The following KLF12 variants were observed in gnomAD, a reference collection of about 807,000 sequenced individuals.
The protein encoded by KLF12 is KLF transcription factor 12, also known as Krueppel-like factor 12.
KLF12 carries 9 observed loss-of-function variants against 37.8 expected under a neutral mutation model. The observed-to-expected ratio is 0.24, with a 90% CI of 0.14 to 0.42. The LOEUF is 0.42. Ranked by LOEUF, KLF12 falls within the 10% of genes least tolerant of loss-of-function variation. KLF12 has a pLI of 1.00. For synonymous variants in KLF12, 208 were observed against 202.1 expected, an observed-to-expected ratio of 1.03 and a Z score of -0.25; for missense variants, 411 against 516.0, an observed-to-expected ratio of 0.80 and a Z score of 1.97.
At chr13:73,928,753 CAACGTTA>C (rs1889526658) in intron 3 of KLF12, among the ~76,000 whole-genome samples, 1 of 152,156 alleles carries the variant, frequency 6.6e-6, no homozygotes, top group African/African-American at 2.4e-5. Flanking sequence ...ACAAAAAAAG[CAACGTTA>C]AACGTAGCTG....
intron 2 of KLF12, among the ~76,000 whole-genome samples, chr13:73,980,963 C>T (rs1891674522): frequency 6.6e-6 from 1 of 152,090 alleles, no homozygotes. Context: ...AGTTCGAAAC[C>T]AGCCTGGGCA....
the KLF12 span, among the ~76,000 whole-genome samples, chr13:74,213,269 G>A: frequency 7.9e-5 from 12 of 151,688 alleles, no homozygotes; most frequent in East Asian, 1.9e-3. Context: ...TTTTCTAGTC[G>A]GTGGTATTGG....
the KLF12 span, among the ~76,000 whole-genome samples, chr13:74,207,022 G>A: frequency 1.3e-5 from 2 of 152,166 alleles, no homozygotes; most frequent in African/African-American, 4.8e-5. Context: ...CAGTTCTAGA[G>A]GCCATGAAGT....
chr13:74,178,611 G>T, the KLF12 span, among the ~76,000 whole-genome samples: 1 of 152,248 alleles, frequency 6.6e-6, no homozygotes, highest in African/African-American at 2.4e-5. Context: ...TTAAATTTCA[G>T]GAAATTGAAT....
chr13:73,764,475 A>AT (rs558580199), intron 6 of KLF12, among the ~76,000 whole-genome samples: 5,216 of 111,634 alleles, frequency 0.047, 169 homozygotes, highest in South Asian at 0.096. Flanking sequence ...TACTCCCCAA[A>AT]TTAAAAAAAA....
chr13:74,210,942 TG>T, the KLF12 span, among the ~76,000 whole-genome samples: 7,757 of 152,258 alleles, frequency 0.051, 609 homozygotes, highest in African/African-American at 0.17. Context: ...AAGTTGGCCT[TG>T]TAACACTGCC....
At chr13:73,795,473 G>C (rs1881909296) in intron 5 of KLF12, among the ~76,000 whole-genome samples, 1 of 152,182 alleles carries the variant, frequency 6.6e-6, no homozygotes, top group Non-Finnish European at 1.5e-5. Flanking sequence ...TGAGAATGAA[G>C]TATGAGAATT....
chr13:73,933,299 T>A (rs943810359), intron 3 of KLF12, among the ~76,000 whole-genome samples: 1 of 152,212 alleles, frequency 6.6e-6, no homozygotes, highest in Admixed American at 6.5e-5. Flanking sequence ...ACGTATCTTT[T>A]TCTATCCTTT....
chr13:74,277,608 G>T, the KLF12 span, among the ~76,000 whole-genome samples: 1 of 152,094 alleles, frequency 6.6e-6, no homozygotes, highest in African/African-American at 2.4e-5. Context: ...GCTCAGGGGC[G>T]GTAATCATAA....
intron 1 of KLF12, among the ~76,000 whole-genome samples, chr13:74,099,216 G>T (rs1876160913): frequency 6.6e-6 from 1 of 151,990 alleles, no homozygotes; most frequent in Non-Finnish European, 1.5e-5. Context: ...GCATGGTAGT[G>T]CACTCCTGTG....
chr13:74,248,635 C>T, the KLF12 span, among the ~76,000 whole-genome samples: 2 of 152,106 alleles, frequency 1.3e-5, no homozygotes, highest in Non-Finnish European at 2.9e-5. Flanking sequence ...ACATGTGGTA[C>T]AACAATCATA....
intron 7 of KLF12, among the ~76,000 whole-genome samples, chr13:73,710,589 C>G (rs988316345): frequency 3.9e-5 from 6 of 152,032 alleles, no homozygotes; most frequent in African/African-American, 1.2e-4. Context: ...GATCAGTGAC[C>G]TTTGATGTTT....
At chr13:74,048,486 G>C (rs1442285657) in intron 1 of KLF12, among the ~76,000 whole-genome samples, 1 of 151,922 alleles carries the variant, frequency 6.6e-6, no homozygotes, top group African/African-American at 2.4e-5. Context: ...TATGTTTTGG[G>C]AATCCCATAC....
intron 3 of KLF12, among the ~76,000 whole-genome samples, chr13:73,930,654 A>C (rs1889624309): frequency 6.6e-6 from 1 of 152,180 alleles, no homozygotes; most frequent in Non-Finnish European, 1.5e-5. Flanking sequence ...AATCCAGAAT[A>C]CAGAATTAAA....
intron 1 of KLF12, among the ~76,000 whole-genome samples, chr13:74,036,503 CCACCAGCAGGAA>C (rs1438413799): frequency 6.6e-6 from 1 of 152,204 alleles, no homozygotes; most frequent in African/African-American, 2.4e-5. Context: ...CACATGAACA[CCACCAGCAGGAA>C]CACAGCATTC....
intron 1 of KLF12, among the ~76,000 whole-genome samples, chr13:74,045,782 C>G (rs1405619821): frequency 1.3e-5 from 2 of 152,158 alleles, no homozygotes; most frequent in Non-Finnish European, 2.9e-5. Flanking sequence ...TCTGCATGGT[C>G]CCAGATTGAG....
At chr13:73,939,461 A>G (rs1025835276) in intron 3 of KLF12, among the ~76,000 whole-genome samples, 2 of 152,156 alleles carry the variant, frequency 1.3e-5, no homozygotes, top group East Asian at 3.8e-4. Flanking sequence ...CTCTAATCAG[A>G]ATTTGAAACA....
chr13:73,907,932 C>T (rs1427448426), intron 3 of KLF12, among the ~76,000 whole-genome samples: 1 of 152,140 alleles, frequency 6.6e-6, no homozygotes, highest in African/African-American at 2.4e-5. Context: ...AGACACAATG[C>T]CTTTTTATTA....
chr13:74,035,803 T>C (rs1893232286), intron 1 of KLF12, among the ~76,000 whole-genome samples: 1 of 152,236 alleles, frequency 6.6e-6, no homozygotes, highest in African/African-American at 2.4e-5. Flanking sequence ...ACACAAATTT[T>C]TAAAATTTTG....
Sources: gnomAD v4.1 joint callset for allele counts (sites outside exome capture counted in the v4.1 genomes callset) on GRCh38, gnomAD v4.1.1 for gene constraint, MANE v1.5 for transcripts, NCBI Gene and HGNC (gene_info 2026-07-23, HGNC 2026-07-21) for gene names.